The following NUDT16 variants were observed in gnomAD, a reference collection of about 807,000 sequenced individuals.
The protein encoded by NUDT16 is nudix hydrolase 16.
In NUDT16, 12 loss-of-function variants were observed where a neutral mutation model predicts 11.7. The ratio of observed to expected loss-of-function variants is 1.03; its 90% confidence interval spans 0.66 to 1.67. The LOEUF is 1.67. Among genes scored for constraint, NUDT16 ranks in the 40% most tolerant of loss-of-function variants. The pLI, the probability that NUDT16 is intolerant of heterozygous loss-of-function variation, is 0.00. For synonymous variants in NUDT16, 129 were observed against 122.6 expected, an observed-to-expected ratio of 1.05 and a Z score of -0.35; for missense variants, 303 against 268.9, an observed-to-expected ratio of 1.13 and a Z score of -0.89.
Position 131,383,613 on chromosome 3 carries a change from G to A in NUDT16, c.*272G>A, listed in dbSNP as rs1382060152. On this transcript the variant is annotated 3_prime_UTR_variant, in exon 3 of 3. Transcript: ENST00000521288. The surrounding 1 kb of genome is among the most constrained non-coding windows in gnomAD (Gnocchi z 4.4). The stretch of plus-strand genomic sequence containing the variant: ...TATGCGTACAGCCTGGTAACCCCCA[G>A]GCATGCAAATATACAATCTGTAACA... 1.6e-6 allele frequency: 1 copy of A among 624,460 alleles called. No homozygotes were observed. The highest frequency in any genetic ancestry group is 1.8e-5 in the African/African-American group (1 of 54,228). 38.7% of individuals were successfully genotyped at this position (624,460 alleles called of 1,614,324 possible). A position where few individuals can be genotyped will look rare whatever the true frequency, so the allele number is the denominator to read the frequency against.
rs1000317911 is a variant in NUDT16 at position 131,382,069 on chromosome 3, C to T, written c.162C>T (p.Arg54=). 23 of 1,584,006 alleles carry T rather than the reference C, an allele frequency of 1.5e-5. No homozygotes were observed. In the African/African-American group the frequency reaches 2.8e-4, roughly 20 times the overall value. Residue 54 remains arginine, a synonymous_variant, in exon 2 of 3, where the codon CGC becomes CGT. Coordinates refer to ENST00000521288, the MANE Select transcript of NUDT16 (RefSeq NM_152395.3). ...AGATGCAGATGCGCTTCGATGGACG[C>T]CTGGGCTTCCCCGGCGGATTCGTGG... The part of the protein sequence containing the change: ...AILMQMRFDG[R]LGFPGGFVDT...
rs1411286799 is a variant in NUDT16 at position 131,387,991 on chromosome 3, AGTG to A, written c.*4653_*4655del. 6.6e-6 allele frequency: 1 copy of A among 152,202 alleles called. No homozygotes were observed. The highest frequency in any genetic ancestry group is 1.5e-5 in the Non-Finnish European group (1 of 68,040). 9.4% of individuals were successfully genotyped at this position (152,202 alleles called of 1,614,324 possible). On this transcript the variant is annotated 3_prime_UTR_variant, in exon 3 of 3. Transcript: ENST00000521288. ...TGGAAGATTCATTCCAAGGAGTAGA[AGTG>A]GTATTTACTCAGGGCATTTAAGGAG...
Position 131,381,801 on chromosome 3 carries a change from G to A in NUDT16, c.-4G>A, listed in dbSNP as rs1041071607. On this transcript the variant is annotated 5_prime_UTR_variant, in exon 1 of 3. Transcript: ENST00000521288. ...TCGGGACAGCAGAGGAGCAGTGTCCGGCCATGGCCGGAGCCCGCAGGCTGG... is the reference window on the plus strand; with the variant it reads ...TCGGGACAGCAGAGGAGCAGTGTCCAGCCATGGCCGGAGCCCGCAGGCTGG... 4.5e-6 allele frequency: 7 copies of A among 1,548,316 alleles called. No individual in the cohort carries two copies. The highest frequency in any genetic ancestry group is 1.2e-5 in the South Asian group (1 of 85,844).
Position 131,383,276 on chromosome 3 carries a change from C to G in NUDT16, c.523C>G (p.Leu175Val), listed in dbSNP as rs374885042. 1.4e-5 allele frequency: 23 copies of G among 1,614,094 alleles called. No homozygotes were observed. The highest frequency in any genetic ancestry group is 1.9e-5 in the Non-Finnish European group (22 of 1,180,040). ...TGCGCGGGAGCAGTTACTTGAAGCT[C>G]TCCAGGACTTGGGACTGCTGCAGTC... Reference protein sequence around the residue: ...GSAREQLLEALQDLGLLQSGS... With the variant: ...GSAREQLLEAVQDLGLLQSGS... Residue 175 changes from leucine (L) to valine (V), a missense_variant, in exon 3 of 3, where the codon CTC becomes GTC. Transcript: ENST00000521288. This position sits in a 1 kb window ranked among gnomAD's most constrained non-coding sequence, Gnocchi z 4.4.
rs139444501 is a variant in NUDT16 at position 131,383,341 on chromosome 3, G to A, written c.588G>A (p.Ter196=). Reference sequence around the variant, plus strand: ...GCCTTAAGATTCCAGCTCATCACTAGAGGCAGCCCTCCATGGACCCATGAA... The same window carrying A: ...GCCTTAAGATTCCAGCTCATCACTAAAGGCAGCCCTCCATGGACCCATGAA... ...ISGLKIPAHH[*] is the part of the protein sequence containing the mutation. The change falls in exon 3 of 3, where the codon TAG becomes TAA. Residue 196 remains the stop codon, a stop_retained_variant. Transcript: ENST00000521288. The surrounding 1 kb of genome is among the most constrained non-coding windows in gnomAD (Gnocchi z 4.4). The A allele has an allele frequency of 3.2e-4, 516 of 1,613,936 alleles. No homozygotes were observed. The highest frequency in any genetic ancestry group is 4.3e-4 in the Non-Finnish European group (505 of 1,180,024).
At position 131,388,326 on chromosome 3, in the gene NUDT16, A is replaced by G. The variant is rs2097461227; in HGVS notation, c.*4985A>G. 1 of 152,230 alleles carries G rather than the reference A, an allele frequency of 6.6e-6. No individual in the cohort carries two copies. The allele number at this position is 152,230 out of a possible 1,614,324, so 9.4% of individuals were successfully genotyped here. ...AGTGATAGAAGGAAAATACTAACAG[A>G]ACACATGTAACAGGAACAACATTTT... On this transcript the variant is annotated 3_prime_UTR_variant, in exon 3 of 3. Transcript: ENST00000521288.
Position 131,383,113 on chromosome 3 carries a change from G to C in NUDT16, c.409-49G>C. ...TGCTGGAGAAAGGATGGAGTTAAGGGAATGAGCCACCTGGGGCCCTAGTGT... is the reference window on the plus strand; with the variant it reads ...TGCTGGAGAAAGGATGGAGTTAAGGCAATGAGCCACCTGGGGCCCTAGTGT... On this transcript the variant is annotated intron_variant, in intron 2 of 2. Transcript: ENST00000521288. This position sits in a 1 kb window ranked among gnomAD's most constrained non-coding sequence, Gnocchi z 4.4. The C allele has an allele frequency of 1.9e-6, 3 of 1,583,744 alleles. No homozygotes were observed. The highest frequency in any genetic ancestry group is 1.7e-6 in the Non-Finnish European group (2 of 1,164,110).
At chr3:131,382,570 C>T (rs2097456591) in intron 2 of NUDT16, 2 of 1,533,652 alleles carry the variant, frequency 1.3e-6, no homozygotes, top group African/African-American at 1.4e-5. Context: ...TGTCTCTCTG[C>T]TGTTCCCTAT....
At chr3:131,381,744 AG>A (rs1559769466), upstream of NUDT16, 3 of 1,513,620 alleles carry the variant, frequency 2.0e-6, no homozygotes, top group East Asian at 7.4e-5. Context: ...GATTGGTCCG[AG>A]GTGAGACCCG....
Position 131,381,928 on chromosome 3 carries a change from C to A in NUDT16, c.124C>A (p.Arg42Ser), listed in dbSNP as rs780725909. ...PGMLFGRIPL[R>S]YAILMQMRFD... ...GATGCTCTTCGGCCGCATCCCGCTG[C>A]GCTACGCCATACTGGTGAGAAGGGG... The change falls in exon 1 of 3, where the codon CGC (arginine) becomes AGC (serine). Residue 42 changes from arginine to serine, a missense_variant. Coordinates refer to ENST00000521288, the MANE Select transcript of NUDT16 (RefSeq NM_152395.3). 3 of 1,611,836 alleles carry A rather than the reference C, an allele frequency of 1.9e-6. No individual in the cohort carries two copies. Among genetic ancestry groups the A allele is most frequent in the African/African-American group, 2.7e-5 (2 of 74,906 alleles).
rs2097460366 is a variant in NUDT16 at position 131,387,082 on chromosome 3, G to C, written c.*3741G>C. ...AATTTGAACCAAAGTAAAAGATGCTGGACCTTGGCACTTATCAGAGAAGTA... is the reference window on the plus strand; with the variant it reads ...AATTTGAACCAAAGTAAAAGATGCTCGACCTTGGCACTTATCAGAGAAGTA... On this transcript the variant is annotated 3_prime_UTR_variant, in exon 3 of 3. Coordinates refer to ENST00000521288, the MANE Select transcript of NUDT16 (RefSeq NM_152395.3). The C allele has an allele frequency of 6.6e-6, 1 of 152,216 alleles. No homozygotes were observed. The allele number at this position is 152,216 out of a possible 1,614,324, so 9.4% of individuals were successfully genotyped here.
In NUDT16 at chr3:131,383,155, T is replaced by C; in HGVS notation, c.409-7T>C. The C allele has an allele frequency of 6.2e-7, 1 of 1,610,032 alleles. No individual in the cohort carries two copies. The highest frequency in any genetic ancestry group is 8.5e-7 in the Non-Finnish European group (1 of 1,178,430). ...CCCTAGTGTCTCCTGTCTCCTTCCTTTTACAGGTGCTGGGCCTGGTGCGAG... is the reference window on the plus strand; with the variant it reads ...CCCTAGTGTCTCCTGTCTCCTTCCTCTTACAGGTGCTGGGCCTGGTGCGAG... On this transcript the variant is annotated splice_region_variant and splice_polypyrimidine_tract_variant and intron_variant, in intron 2 of 2. Coordinates refer to ENST00000521288, the MANE Select transcript of NUDT16 (RefSeq NM_152395.3). This position sits in a 1 kb window ranked among gnomAD's most constrained non-coding sequence, Gnocchi z 4.4.
intron 2 of NUDT16, chr3:131,382,617 G>A: frequency 2.0e-6 from 3 of 1,484,830 alleles, no homozygotes; most frequent in Non-Finnish European, 2.7e-6. Flanking sequence ...TCTAGGTGTG[G>A]CAACCTAGGT....
In NUDT16 at chr3:131,386,652, G is replaced by C. The variant is rs1031039397; in HGVS notation, c.*3311G>C. On this transcript the variant is annotated 3_prime_UTR_variant, in exon 3 of 3. Coordinates refer to ENST00000521288, the MANE Select transcript of NUDT16 (RefSeq NM_152395.3). ...CCCAGCCGCCTCTCCACAAACACGT[G>C]TTTCTGCCTTTCTCAGCATAATCAG... The C allele has an allele frequency of 6.6e-6, 1 of 152,298 alleles. No homozygotes were observed. Among genetic ancestry groups the C allele is most frequent in the African/African-American group, 2.4e-5 (1 of 41,458 alleles). 9.4% of individuals were successfully genotyped at this position (152,298 alleles called of 1,614,324 possible).
intron 2 of NUDT16, chr3:131,382,952 T>G: frequency 1.6e-6 from 1 of 621,362 alleles, no homozygotes; most frequent in Non-Finnish European, 2.7e-6. Flanking sequence ...TAGAAGCAGA[T>G]GTGGGAAAGA....
At chr3:131,382,540 T>C (rs1455331232) in intron 2 of NUDT16, 1 of 1,536,002 alleles carries the variant, frequency 6.5e-7, no homozygotes, top group Non-Finnish European at 8.7e-7. Context: ...GAGAGATCCT[T>C]TCTAGAACAC....
rs753797071 is a variant in NUDT16, at chr3:131,381,835, G to A, written c.31G>A (p.Glu11Lys). MAGARRLELG[E>K]ALALGSGWRH... is the part of the protein sequence containing the mutation. ...CGGAGCCCGCAGGCTGGAGCTAGGC[G>A]AGGCCCTGGCGCTGGGGTCGGGCTG... The change falls in exon 1 of 3, where the codon GAG becomes AAG. Residue 11 changes from glutamate (E) to lysine (K), a missense_variant. By Grantham distance (56) the Glu-to-Lys change is moderately conservative. Coordinates refer to ENST00000521288, the MANE Select transcript of NUDT16 (RefSeq NM_152395.3). 2.5e-6 allele frequency: 4 copies of A among 1,586,870 alleles called. No homozygotes were observed. The South Asian group carries it at 3.4e-5, about 13-fold the overall frequency.
In NUDT16 at chr3:131,382,255, G is replaced by T. The variant is rs1366744985; in HGVS notation, c.348G>T (p.Thr116=). Residue 116 remains threonine (T), a synonymous_variant, in exon 2 of 3, where the codon ACG becomes ACT. Transcript: ENST00000521288. The stretch of plus-strand genomic sequence containing the variant: ...CCCACTTCTATGCCAAGCGTCTGAC[G>T]CTCGAGGAGCTGTTGGCTGTGGAGG... ...VVAHFYAKRL[T]LEELLAVEAG... is the part of the protein sequence containing the mutation. 1.9e-6 allele frequency: 3 copies of T among 1,611,916 alleles called. No individual in the cohort carries two copies. The highest frequency in any genetic ancestry group is 2.5e-6 in the Non-Finnish European group (3 of 1,179,420).
intron 2 of NUDT16, chr3:131,382,582 G>A: frequency 6.5e-7 from 1 of 1,528,368 alleles, no homozygotes; most frequent in Non-Finnish European, 8.7e-7. Flanking sequence ...GTTCCCTATT[G>A]ACAGTGTGAT....
Sources: gnomAD v4.1 joint callset for allele counts on GRCh38, gnomAD v4.1.1 for gene constraint, Gnocchi (gnomAD v3.1) non-coding constraint, MANE v1.5 for transcripts, NCBI Gene and HGNC (gene_info 2026-07-23, HGNC 2026-07-21) for gene names.